PCDHGB2: variants seen among roughly 807,000 people sequenced by gnomAD.
PCDHGB2 encodes the protein protocadherin gamma subfamily B, 2.
In PCDHGB2, 55 loss-of-function variants were observed where a neutral mutation model predicts 59.3. The observed-to-expected ratio is 0.93, with a 90% CI of 0.75 to 1.16. PCDHGB2 has a LOEUF of 1.16. Among genes scored for constraint, PCDHGB2 ranks in the 50% most tolerant of loss-of-function variants. The probability of loss-of-function intolerance (pLI) is 0.00; values close to 1 mark genes in which losing one functional copy is unlikely to be tolerated. For missense variants in PCDHGB2, 1,228 were observed against 1,198.5 expected, an observed-to-expected ratio of 1.02 and a Z score of -0.36; for synonymous variants, 516 against 512.0, an observed-to-expected ratio of 1.01 and a Z score of -0.11.
Position 141,486,585 on chromosome 5 carries a change from G to A in PCDHGB2, c.2422-8222G>A. The A allele has an allele frequency of 6.2e-7, 1 of 1,613,708 alleles. No individual in the cohort carries two copies. The highest frequency in any genetic ancestry group is 1.1e-5 in the South Asian group (1 of 91,080). ...TTTGTTCCTGAGAACAATCGCCCAG[G>A]GGACCTGCTTTGCTCCCTTGCAGCC... On this transcript the variant is annotated intron_variant, in intron 1 of 3. Transcript: ENST00000522605. The surrounding 1 kb of genome is among the most constrained non-coding windows in gnomAD (Gnocchi z 5.0).
At chr5:141,412,282 C>A (rs1017660848) in intron 1 of PCDHGB2, 1 of 152,186 alleles carries the variant, frequency 6.6e-6, no homozygotes, top group African/African-American at 2.4e-5. Flanking sequence ...ACTTCAAATT[C>A]TACGTATTTC....
At position 141,489,590 on chromosome 5, in the gene PCDHGB2, T is replaced by C; in HGVS notation, c.2422-5217T>C. The C allele has an allele frequency of 6.2e-7, 1 of 1,614,044 alleles. No homozygotes were observed. Among genetic ancestry groups the C allele is most frequent in the Non-Finnish European group, 8.5e-7 (1 of 1,179,984 alleles). ...GTGACTGAACACCCCCTGGAGCTAA[T>C]CCGTGTAGAGGTAGAGATCCTGGAT... On this transcript the variant is annotated intron_variant, in intron 1 of 3. Transcript: ENST00000522605. The surrounding 1 kb of genome is among the most constrained non-coding windows in gnomAD (Gnocchi z 4.5).
At chr5:141,419,694 G>A in intron 1 of PCDHGB2, 1 of 1,612,974 alleles carries the variant, frequency 6.2e-7, no homozygotes, top group Non-Finnish European at 8.5e-7. Context: ...GTGCAGGCCA[G>A]TGAGCCCGGG....
At chr5:141,365,716 A>G (rs1764073601) in intron 1 of PCDHGB2, 6 of 1,613,740 alleles carry the variant, frequency 3.7e-6, no homozygotes, top group Non-Finnish European at 5.1e-6. Flanking sequence ...CCTCTGTCAC[A>G]GAAAACAATC....
Position 141,477,657 on chromosome 5 carries a change from G to C in PCDHGB2, c.2422-17150G>C. 4 of 1,614,190 alleles carry C rather than the reference G, an allele frequency of 2.5e-6. No individual in the cohort carries two copies. Among genetic ancestry groups the C allele is most frequent in the Non-Finnish European group, 3.4e-6 (4 of 1,180,038 alleles). The stretch of plus-strand genomic sequence containing the variant: ...GTGGGTCGCTATTTCACAATAAATC[G>C]TGACAATGGCATAGTGTCATCCTTA... On this transcript the variant is annotated intron_variant, in intron 1 of 3. Coordinates refer to ENST00000522605, the MANE Select transcript of PCDHGB2 (RefSeq NM_018923.3). The surrounding 1 kb of genome is among the most constrained non-coding windows in gnomAD (Gnocchi z 4.9).
In PCDHGB2 at chr5:141,395,432, G is replaced by A. The variant is rs963118371; in HGVS notation, c.2421+32876G>A. ...GTTATTGTTTCATTTGCTTTTAAAC[G>A]ACTTGGAAAAGATTGTTCAACCATT... On this transcript the variant is annotated intron_variant, in intron 1 of 3. Coordinates refer to ENST00000522605, the MANE Select transcript of PCDHGB2 (RefSeq NM_018923.3). The A allele has an allele frequency of 8.6e-6, 6 of 701,470 alleles. No homozygotes were observed. In the African/African-American group the frequency reaches 9.1e-5, roughly 11 times the overall value. The allele number at this position is 701,470 out of a possible 1,614,324, so 43.5% of individuals were successfully genotyped here. A position where few individuals can be genotyped will look rare whatever the true frequency, so the allele number is the denominator to read the frequency against.
At chr5:141,478,665 A>G (rs749063178) in intron 1 of PCDHGB2, 88 of 1,551,690 alleles carry the variant, frequency 5.7e-5, no homozygotes, top group Non-Finnish European at 3.7e-5. Flanking sequence ...ATGCATTCAC[A>G]CTTTCAACTG....
intron 1 of PCDHGB2, chr5:141,411,535 G>C (rs945278706): frequency 6.6e-6 from 1 of 152,274 alleles, no homozygotes; most frequent in Non-Finnish European, 1.5e-5. Context: ...AGTGAGCCCT[G>C]ATCTTGCCAC....
chr5:141,469,419 A>G (rs1047562022), intron 1 of PCDHGB2, among the ~76,000 whole-genome samples: 2 of 152,066 alleles, frequency 1.3e-5, no homozygotes, highest in South Asian at 2.1e-4. Flanking sequence ...TACTAAAAAT[A>G]TAAAACTTAG....
At chr5:141,496,400 A>G (rs540108338) in intron 2 of PCDHGB2, among the ~76,000 whole-genome samples, 2 of 152,240 alleles carry the variant, frequency 1.3e-5, no homozygotes, top group East Asian at 3.9e-4. Flanking sequence ...TACCTCCTCA[A>G]TGGTTGAGTA....
At chr5:141,452,527 G>A (rs1164238830) in intron 1 of PCDHGB2, among the ~76,000 whole-genome samples, 1 of 152,156 alleles carries the variant, frequency 6.6e-6, no homozygotes, top group Non-Finnish European at 1.5e-5. Flanking sequence ...TCAAAATCGT[G>A]AGTTCATATT....
chr5:141,442,716 G>A (rs1367250926), intron 1 of PCDHGB2, among the ~76,000 whole-genome samples: 1 of 152,206 alleles, frequency 6.6e-6, no homozygotes, highest in East Asian at 1.9e-4. Context: ...ACATGCCAGA[G>A]CATTTGGGGC....
intron 1 of PCDHGB2, chr5:141,396,614 C>G (rs904107360): frequency 1.3e-5 from 2 of 149,602 alleles, no homozygotes; most frequent in African/African-American, 4.9e-5. Flanking sequence ...GGTGAGACTC[C>G]GTCTCAAAAA....
chr5:141,415,577 C>T (rs776744277), intron 1 of PCDHGB2: 3 of 1,613,744 alleles, frequency 1.9e-6, no homozygotes, highest in East Asian at 4.5e-5. Context: ...TTAGATGATT[C>T]GAAGTTTCCT....
intron 1 of PCDHGB2, among the ~76,000 whole-genome samples, chr5:141,362,886 T>G (rs1180518860): frequency 1.3e-5 from 2 of 152,256 alleles, no homozygotes; most frequent in Non-Finnish European, 2.9e-5. Context: ...CAAATTTTAG[T>G]TTTACTTCCT....
At position 141,485,074 on chromosome 5, in the gene PCDHGB2, G is replaced by T. The variant is rs2099606548; in HGVS notation, c.2422-9733G>T. On this transcript the variant is annotated intron_variant, in intron 1 of 3. Transcript: ENST00000522605. The surrounding 1 kb of genome is among the most constrained non-coding windows in gnomAD (Gnocchi z 5.7). ...GGCCGAACCGCGCCAGAGCTGGCGCGGGGAAAGGGAGATAGGTGTCTCCAG... is the reference window on the plus strand; with the variant it reads ...GGCCGAACCGCGCCAGAGCTGGCGCTGGGAAAGGGAGATAGGTGTCTCCAG... The T allele has an allele frequency of 2.2e-6, 2 of 926,946 alleles. No homozygotes were observed. The highest frequency in any genetic ancestry group is 3.4e-6 in the Non-Finnish European group (2 of 596,630). 57.4% of individuals were successfully genotyped at this position (926,946 alleles called of 1,614,324 possible). A position where few individuals can be genotyped will look rare whatever the true frequency, so the allele number is the denominator to read the frequency against.
intron 1 of PCDHGB2, chr5:141,420,464 C>A: frequency 1.2e-6 from 1 of 801,488 alleles, no homozygotes; most frequent in South Asian, 4.0e-5. Flanking sequence ...TATTCAAAGA[C>A]ATTTTAAAGC....
At position 141,509,122 on chromosome 5, in the gene PCDHGB2, G is replaced by A. The variant is rs2099875312; in HGVS notation, c.2570-1825G>A. 2.0e-5 allele frequency among the ~76,000 whole-genome samples: 3 copies of A among 152,154 alleles called. No homozygotes were observed. In the South Asian group the frequency reaches 6.2e-4, roughly 32 times the overall value. The stretch of plus-strand genomic sequence containing the variant: ...AGAAACCTGAGCGCTGGTGCGTGAA[G>A]AGAAAAACCGAGGCGCATCCCGGCT... On this transcript the variant is annotated intron_variant, in intron 3 of 3. Transcript: ENST00000522605.
chr5:141,417,111 G>A (rs1014827063), intron 1 of PCDHGB2: 13 of 152,012 alleles, frequency 8.6e-5, no homozygotes, highest in African/African-American at 2.7e-4. Context: ...AAGCAATACA[G>A]GACACCCTGG....
Sources: allele counts gnomAD v4.1 joint callset (sites outside exome capture counted in the v4.1 genomes callset), GRCh38; gene constraint gnomAD v4.1.1; non-coding constraint Gnocchi (gnomAD v3.1); transcripts MANE v1.5; gene names NCBI Gene and HGNC (gene_info 2026-07-23, HGNC 2026-07-21).